Variants in DDX50 observed in about 807,000 individuals in gnomAD.
DDX50 encodes the protein DExD-box helicase 50, also known as ATP-dependent RNA helicase DDX50.
In DDX50, 56 loss-of-function variants were observed where a neutral mutation model predicts 94.8. The observed-to-expected ratio is 0.59, with a 90% confidence interval of 0.48 to 0.74. The LOEUF is 0.74. DDX50 is among the 30% of genes least tolerant of loss of function. DDX50 has a pLI of 0.00. For missense variants in DDX50, 713 were observed against 881.2 expected (o/e 0.81, Z 2.42); for synonymous variants, 264 against 295.4 (o/e 0.89, Z 1.09).
intron 14 of DDX50, 87 bp downstream of exon 14, chr10:68,943,344 C>G: frequency 9.7e-7 from 1 of 1,033,794 alleles, no homozygotes; most frequent in Non-Finnish European, 1.4e-6. Flanking sequence ...GTCACAATGT[C>G]ATTATCATGC....
intron 8 of DDX50, among the ~76,000 whole-genome samples, chr10:68,932,538 G>A (rs1842300064): frequency 6.6e-6 from 1 of 152,132 alleles, no homozygotes; most frequent in African/African-American, 2.4e-5. Context: ...GGGATTACAG[G>A]CATGAGCCAC....
At chr10:68,920,898 A>G (rs1359885938) in intron 8 of DDX50, among the ~76,000 whole-genome samples, 2 of 143,850 alleles carry the variant, frequency 1.4e-5, no homozygotes, top group Non-Finnish European at 3.0e-5. Flanking sequence ...CGGGGAGCTG[A>G]GATTGTGCCA....
chr10:68,922,283 A>C (rs1037249157), intron 8 of DDX50, among the ~76,000 whole-genome samples: 4 of 151,810 alleles, frequency 2.6e-5, no homozygotes, highest in Admixed American at 6.6e-5. Flanking sequence ...GATAGCTTTG[A>C]GCTCCTGTAG....
chr10:68,946,649 A>G lies in DDX50; in HGVS notation c.*19A>G. 6.2e-7 allele frequency: 1 copy of G among 1,604,776 alleles called. No homozygotes were observed. Among genetic ancestry groups the G allele is most frequent in the South Asian group, 1.1e-5 (1 of 90,726 alleles). On this transcript the variant is annotated 3_prime_UTR_variant, in exon 15 of 15. Transcript: ENST00000373585. ...TGACTGAGTATTTGATAGTTAATCT[A>G]CCAGTGTGAGCTTGCCTATTTCTGC...
In DDX50 at chr10:68,933,303, C is replaced by T. The variant is rs533590323; in HGVS notation, c.1240-896C>T. ...CAGGCTGGTCTCAAACTCCTGACCT[C>T]GGGTGATCTGCCTGTCTCGGCCTCC... On this transcript the variant is annotated intron_variant, in intron 8 of 14. Transcript: ENST00000373585. Among the ~76,000 whole-genome samples, 23 of 152,146 alleles carry T rather than the reference C, an allele frequency of 1.5e-4. No individual in the cohort carries two copies. The East Asian group carries it at 2.9e-3, about 19-fold the overall frequency.
intron 7 of DDX50, among the ~76,000 whole-genome samples, chr10:68,917,661 G>C (rs1344143520): frequency 1.3e-5 from 2 of 152,116 alleles, no homozygotes; most frequent in African/African-American, 4.8e-5. Context: ...AGTGCAGTGT[G>C]GCATGATCTC....
intron 7 of DDX50, among the ~76,000 whole-genome samples, chr10:68,916,660 C>T (rs535756904): frequency 4.6e-5 from 7 of 152,106 alleles, no homozygotes; most frequent in Non-Finnish European, 1.0e-4. Flanking sequence ...CTCTTTAAAA[C>T]CACAGTCATT....
rs775753760 is a variant in DDX50, at chr10:68,906,973, C to G, written c.350C>G (p.Ser117Cys). 3.8e-6 allele frequency: 6 copies of G among 1,587,074 alleles called. No individual in the cohort carries two copies. The Admixed American group carries it at 1.2e-4, about 32-fold the overall frequency. Residue 117 changes from serine (S) to cysteine (C), a missense_variant, in exon 2 of 15, where the codon TCT becomes TGT. By Grantham distance (112) the Ser-to-Cys change is moderately radical. Coordinates refer to ENST00000373585, the MANE Select transcript of DDX50 (RefSeq NM_024045.2). ...AAGCGAGTATCATCTTTAGATACTT[C>G]TACTCATAAATCAAGTGATAATAAA... ...KSKRVSSLDT[S>C]THKSSDNKLE... is the part of the protein sequence containing the mutation.
intron 12 of DDX50, among the ~76,000 whole-genome samples, chr10:68,937,487 A>G (rs751829905): frequency 1.3e-5 from 2 of 152,164 alleles, no homozygotes; most frequent in African/African-American, 2.4e-5. Flanking sequence ...TATAGGTATC[A>G]GATCAGGATC....
chr10:68,913,503 T>C lies in DDX50; in HGVS notation c.870T>C (p.Asp290=). Residue 290 remains aspartate (D), a synonymous_variant, in exon 6 of 15, where the codon GAT becomes GAC. Coordinates refer to ENST00000373585, the MANE Select transcript of DDX50 (RefSeq NM_024045.2). ...DLSKLRHVVL[D]EVDQMLDLGF... ...CTAAACTGCGACATGTTGTGCTTGA[T>C]GAAGTGGATCAGATGTTAGATTTAG... The C allele has an allele frequency of 6.2e-7, 1 of 1,614,136 alleles. No homozygotes were observed. Among genetic ancestry groups the C allele is most frequent in the Non-Finnish European group, 8.5e-7 (1 of 1,180,012 alleles).
chr10:68,914,170 GA>G lies in DDX50; in HGVS notation c.1060del (p.Met354Ter). 2 of 1,610,884 alleles carry G rather than the reference GA, an allele frequency of 1.2e-6. No homozygotes were observed. The highest frequency in any genetic ancestry group is 1.7e-5 in the Admixed American group (1 of 59,322). On this transcript the variant is annotated frameshift_variant, in exon 7 of 15. Coordinates refer to ENST00000373585, the MANE Select transcript of DDX50 (RefSeq NM_024045.2). LOFTEE classifies it high-confidence loss of function. ...AGATATGAACAGGTTGACCTTGTTG[GA>G]AAAATGACTCAAAAGGCTGCAACTA... ...KSRYEQVDLVGKMTQKAATTV... is the reference protein window; with the variant it reads ...KSRYEQVDLVXKMTQKAATTV...
chr10:68,927,272 CT>C (rs1278944946), intron 8 of DDX50, among the ~76,000 whole-genome samples: 2 of 152,146 alleles, frequency 1.3e-5, no homozygotes, highest in African/African-American at 4.8e-5. Flanking sequence ...TTGTTTATAA[CT>C]TTTTTTCAAA....
At chr10:68,929,296 T>TTCCTTCCTTCCTTCCTTC (rs1354099619) in intron 8 of DDX50, among the ~76,000 whole-genome samples, 3 of 66,136 alleles carry the variant, frequency 4.5e-5, no homozygotes, top group Non-Finnish European at 8.6e-5. Context: ...TTCCTTCCTC[T>TTCCTTCCTTCCTTCCTTC]CTCTCTCTCT....
At chr10:68,931,644 C>T (rs1589266555) in intron 8 of DDX50, among the ~76,000 whole-genome samples, 1 of 151,096 alleles carries the variant, frequency 6.6e-6, no homozygotes, top group African/African-American at 2.4e-5. Context: ...ATGTTGGTCT[C>T]GAACTCCTGA....
chr10:68,944,552 T>G (rs1226532077), intron 14 of DDX50, among the ~76,000 whole-genome samples: 5 of 152,176 alleles, frequency 3.3e-5, no homozygotes, highest in African/African-American at 1.2e-4. Context: ...TTTAATTTTT[T>G]GTTTGTTTAT....
chr10:68,914,342 T>G, intron 7 of DDX50, 138 bp downstream of exon 7: 2 of 927,304 alleles, frequency 2.2e-6, no homozygotes, highest in Non-Finnish European at 3.2e-6. Flanking sequence ...CACCTATATA[T>G]TTTTATAGTC....
intron 14 of DDX50, among the ~76,000 whole-genome samples, chr10:68,944,883 A>G (rs1842632559): frequency 1.3e-5 from 2 of 152,114 alleles, no homozygotes; most frequent in South Asian, 2.1e-4. Flanking sequence ...GGGTCTTGCT[A>G]TGTTGCCCAG....
At chr10:68,916,785 G>A (rs939995694) in intron 7 of DDX50, among the ~76,000 whole-genome samples, 5 of 152,204 alleles carry the variant, frequency 3.3e-5, no homozygotes, top group African/African-American at 1.2e-4. Flanking sequence ...CCTGGTTCAA[G>A]TGATTCCTCC....
intron 8 of DDX50, among the ~76,000 whole-genome samples, chr10:68,928,387 T>C (rs1279621631): frequency 2.0e-5 from 3 of 152,080 alleles, no homozygotes; most frequent in Non-Finnish European, 4.4e-5. Context: ...AAGATTTAGG[T>C]GGGCCAGGCA....
Sources: allele counts gnomAD v4.1 joint callset (sites outside exome capture counted in the v4.1 genomes callset), GRCh38; gene constraint gnomAD v4.1.1; transcripts MANE v1.5; gene names NCBI Gene and HGNC (gene_info 2026-07-23, HGNC 2026-07-21).